The following SYNDIG1 variants were observed in gnomAD, a reference collection of about 807,000 sequenced individuals.
SYNDIG1 encodes the protein synapse differentiation-inducing gene protein 1.
Under a neutral mutation model 19.4 loss-of-function variants are expected in SYNDIG1, and 9 were observed. The observed-to-expected ratio is 0.46, with a 90% CI of 0.28 to 0.81. The LOEUF (loss-of-function observed/expected upper bound fraction) is 0.81. Ranked by LOEUF, SYNDIG1 falls within the 30% of genes least tolerant of loss-of-function variation. SYNDIG1 has a pLI of 0.12. For synonymous variants in SYNDIG1, 141 were observed against 145.9 expected, an observed-to-expected ratio of 0.97 and a Z score of 0.24; for missense variants, 311 against 343.3, an observed-to-expected ratio of 0.91 and a Z score of 0.74.
chr20:24,520,488 G>A (rs2056981566), intron 1 of SYNDIG1, among the ~76,000 whole-genome samples: 1 of 152,026 alleles, frequency 6.6e-6, no homozygotes, highest in Non-Finnish European at 1.5e-5. Flanking sequence ...AACCTCAAGA[G>A]TTTGGGTCAG....
At chr20:24,486,706 T>C (rs2055971090) in intron 1 of SYNDIG1, among the ~76,000 whole-genome samples, 1 of 152,066 alleles carries the variant, frequency 6.6e-6, no homozygotes, top group Non-Finnish European at 1.5e-5. Context: ...GTCACCAGGC[T>C]GGAGTGCCGT....
chr20:24,645,564 G>C (rs2059415404), intron 3 of SYNDIG1, among the ~76,000 whole-genome samples: 1 of 152,266 alleles, frequency 6.6e-6, no homozygotes, highest in Non-Finnish European at 1.5e-5. Context: ...AGTGAGGGGG[G>C]AAGACTGCCT....
chr20:24,560,674 G>A lies in SYNDIG1; in HGVS notation c.480+17097G>A, dbSNP rs374483343. On this transcript the variant is annotated intron_variant, in intron 2 of 3. Transcript: ENST00000376862. ...ACAACTGTGCCCCTGCCCTGCCCCC[G>A]AGACAGTTTCTGTTGACTACTTTTT... Among the ~76,000 whole-genome samples the A allele has an allele frequency of 9.6e-5, 14 of 145,488 alleles. No homozygotes were observed. The East Asian group carries it at 9.9e-4, about 10-fold the overall frequency.
In SYNDIG1 at chr20:24,650,501, G is replaced by A. The variant is rs150160559; in HGVS notation, c.619-14845G>A. Among the ~76,000 whole-genome samples the A allele has an allele frequency of 1.3e-4, 20 of 152,316 alleles. No homozygotes were observed. In the East Asian group the frequency reaches 2.1e-3, roughly 16 times the overall value. On this transcript the variant is annotated intron_variant, in intron 3 of 3. Transcript: ENST00000376862. ...TGGAGCCAAATGAAACAAATGGTTT[G>A]CAGAAACATTTCCATTCTTTTTTTT...
intron 1 of SYNDIG1, among the ~76,000 whole-genome samples, chr20:24,487,759 A>G (rs2098136619): frequency 6.6e-6 from 1 of 152,198 alleles, no homozygotes; most frequent in Non-Finnish European, 1.5e-5. Context: ...CCTGTTTCAC[A>G]CAGCCCAGCC....
At chr20:24,603,269 A>G (rs1176158853) in intron 3 of SYNDIG1, among the ~76,000 whole-genome samples, 1 of 152,058 alleles carries the variant, frequency 6.6e-6, no homozygotes, top group Non-Finnish European at 1.5e-5. Context: ...CGTGGCTAGG[A>G]TCAAACCATG....
At chr20:24,577,405 A>C (rs1430270053) in intron 2 of SYNDIG1, among the ~76,000 whole-genome samples, 1 of 152,210 alleles carries the variant, frequency 6.6e-6, no homozygotes, top group South Asian at 2.1e-4. Flanking sequence ...GCTTGCCCCG[A>C]TGGTGCAGGT....
chr20:24,618,281 C>A (rs1297112561), intron 3 of SYNDIG1, among the ~76,000 whole-genome samples: 1 of 134,748 alleles, frequency 7.4e-6, no homozygotes, highest in Admixed American at 7.7e-5. Context: ...GAAGGGGGGT[C>A]CTGAGGGACA....
intron 3 of SYNDIG1, among the ~76,000 whole-genome samples, chr20:24,637,265 A>C (rs1234239681): frequency 6.6e-6 from 1 of 152,130 alleles, no homozygotes. Context: ...GAAACCCAGC[A>C]CTCTGTGGTG....
At chr20:24,556,960 G>A (rs904633823) in intron 2 of SYNDIG1, among the ~76,000 whole-genome samples, 1 of 152,010 alleles carries the variant, frequency 6.6e-6, no homozygotes, top group East Asian at 1.9e-4. Flanking sequence ...ATGTAGATTT[G>A]GTCTTTTCAC....
At chr20:24,620,081 C>T (rs1382791329) in intron 3 of SYNDIG1, among the ~76,000 whole-genome samples, 1 of 152,190 alleles carries the variant, frequency 6.6e-6, no homozygotes, top group Non-Finnish European at 1.5e-5. Flanking sequence ...TCAGTTCCTG[C>T]AACCTTCAAG....
intron 2 of SYNDIG1, among the ~76,000 whole-genome samples, chr20:24,552,839 TG>T (rs1461860650): frequency 2.6e-5 from 4 of 152,218 alleles, no homozygotes; most frequent in African/African-American, 4.8e-5. Flanking sequence ...ATGGGATGGC[TG>T]GGTCAAATGG....
At chr20:24,496,405 TC>T (rs1424117310) in intron 1 of SYNDIG1, among the ~76,000 whole-genome samples, 6 of 152,222 alleles carry the variant, frequency 3.9e-5, no homozygotes, top group African/African-American at 1.4e-4. Context: ...CAATGAGATG[TC>T]TTGTAGCTCT....
intron 1 of SYNDIG1, among the ~76,000 whole-genome samples, chr20:24,522,776 T>A (rs889594378): frequency 6.6e-6 from 1 of 152,172 alleles, no homozygotes; most frequent in Non-Finnish European, 1.5e-5. Flanking sequence ...TCTACTTGGC[T>A]TCTGGGGAAG....
intron 2 of SYNDIG1, among the ~76,000 whole-genome samples, chr20:24,557,222 A>T (rs183249145): frequency 3.9e-5 from 6 of 152,128 alleles, no homozygotes; most frequent in African/African-American, 9.6e-5. Context: ...TTTTTTTCAA[A>T]GTTTTAACTT....
At chr20:24,580,382 C>G (rs1178649865) in intron 2 of SYNDIG1, among the ~76,000 whole-genome samples, 2 of 151,912 alleles carry the variant, frequency 1.3e-5, no homozygotes, top group Non-Finnish European at 2.9e-5. Flanking sequence ...TTTGTCTGCC[C>G]TGTAATTTGT....
chr20:24,665,232 C>T, intron 3 of SYNDIG1, 114 bp from the exon 4 acceptor site: 2 of 1,313,886 alleles, frequency 1.5e-6, no homozygotes, highest in Non-Finnish European at 2.1e-6. Context: ...CCCCCTCAGC[C>T]TTCTCTGCAT....
At chr20:24,515,691 A>T (rs1600493740) in intron 1 of SYNDIG1, among the ~76,000 whole-genome samples, 3 of 152,170 alleles carry the variant, frequency 2.0e-5, no homozygotes, top group Admixed American at 6.5e-5. Context: ...ATAAAAGAGG[A>T]TACAAACAAA....
intron 3 of SYNDIG1, among the ~76,000 whole-genome samples, chr20:24,609,198 C>T (rs2058808565): frequency 6.6e-6 from 1 of 152,218 alleles, no homozygotes; most frequent in Admixed American, 6.5e-5. Context: ...CTTTTCTTGC[C>T]TCTTTGCTTA....
Sources: allele counts gnomAD v4.1 joint callset (sites outside exome capture counted in the v4.1 genomes callset), GRCh38; gene constraint gnomAD v4.1.1; transcripts MANE v1.5; gene names NCBI Gene and HGNC (gene_info 2026-07-23, HGNC 2026-07-21).